The following PRKG1 variants were observed in gnomAD, a reference collection of about 807,000 sequenced individuals.
PRKG1 encodes the protein protein kinase cGMP-dependent 1, also known as cGMP-dependent protein kinase 1.
In PRKG1, 35 loss-of-function variants were observed where a neutral mutation model predicts 88.1. The observed-to-expected ratio is 0.40, with a 90% confidence interval of 0.30 to 0.53. The LOEUF is 0.53. PRKG1 is among the 20% of genes least tolerant of loss of function. The pLI is 0.59. For missense variants in PRKG1, 540 were observed against 839.8 expected (o/e 0.64, Z 4.41); for synonymous variants, 303 against 292.5 (o/e 1.04, Z -0.37).
chr10:51,784,908 A>G (rs970831146), intron 3 of PRKG1, among the ~76,000 whole-genome samples: 4 of 152,070 alleles, frequency 2.6e-5, no homozygotes, highest in African/African-American at 9.7e-5. Context: ...TATTAATGGA[A>G]AAAGGCTAAT....
At chr10:52,153,617 G>A (rs771195973) in intron 8 of PRKG1, among the ~76,000 whole-genome samples, 4 of 152,156 alleles carry the variant, frequency 2.6e-5, no homozygotes, top group African/African-American at 9.7e-5. Flanking sequence ...TTCTTTAGCT[G>A]TTTTATGTTT....
chr10:51,732,797 T>A (rs1399323503), intron 3 of PRKG1, among the ~76,000 whole-genome samples: 1 of 152,144 alleles, frequency 6.6e-6, no homozygotes, highest in Non-Finnish European at 1.5e-5. Flanking sequence ...CTCACCTTAA[T>A]AAAAATTATA....
At chr10:52,276,168 C>A (rs1031566216) in intron 12 of PRKG1, among the ~76,000 whole-genome samples, 17 of 152,074 alleles carry the variant, frequency 1.1e-4, no homozygotes, top group Admixed American at 1.1e-3. Context: ...GATTTGGATG[C>A]CCTTTATTTC....
At chr10:51,946,717 G>T (rs972200433) in intron 5 of PRKG1, among the ~76,000 whole-genome samples, 6 of 152,206 alleles carry the variant, frequency 3.9e-5, no homozygotes, top group African/African-American at 1.4e-4. Context: ...GAGTTTGCTA[G>T]AGGTCCACTC....
intron 3 of PRKG1, among the ~76,000 whole-genome samples, chr10:51,756,666 T>G (rs1226400280): frequency 6.6e-6 from 1 of 151,586 alleles, no homozygotes; most frequent in Middle Eastern, 3.2e-3. Flanking sequence ...TACAAAAACA[T>G]TAGCCAGGCA....
intron 3 of PRKG1, among the ~76,000 whole-genome samples, chr10:51,704,807 G>A (rs1000637806): frequency 2.6e-5 from 4 of 152,192 alleles, no homozygotes; most frequent in African/African-American, 9.7e-5. Context: ...TCAGATTCAT[G>A]AATGTGAACT....
intron 9 of PRKG1, among the ~76,000 whole-genome samples, chr10:52,241,858 A>G (rs1205399586): frequency 6.6e-6 from 1 of 152,218 alleles, no homozygotes; most frequent in Admixed American, 6.5e-5. Flanking sequence ...AAATGTTTCC[A>G]TCTTTCTTTG....
intron 1 of PRKG1, among the ~76,000 whole-genome samples, chr10:50,998,109 C>T (rs760248258): frequency 1.5e-4 from 23 of 152,228 alleles, no homozygotes; most frequent in South Asian, 4.1e-4. Context: ...GTGCTTAGCC[C>T]GGAAAAAGGT....
At chr10:51,403,203 G>A (rs1175738398) in intron 2 of PRKG1, among the ~76,000 whole-genome samples, 1 of 152,036 alleles carries the variant, frequency 6.6e-6, no homozygotes, top group African/African-American at 2.4e-5. Flanking sequence ...TGGATGTCAG[G>A]CCCAGCTTTG....
At chr10:51,690,291 G>A (rs993812598) in intron 3 of PRKG1, among the ~76,000 whole-genome samples, 1 of 152,028 alleles carries the variant, frequency 6.6e-6, no homozygotes, top group African/African-American at 2.4e-5. Context: ...TCCAACACCG[G>A]GGATTATATT....
At chr10:51,505,337 G>C (rs896004831) in intron 3 of PRKG1, among the ~76,000 whole-genome samples, 11 of 152,160 alleles carry the variant, frequency 7.2e-5, no homozygotes, top group Admixed American at 2.6e-4. Flanking sequence ...GATCATGGTG[G>C]ATAAGCTTTT....
chr10:51,144,012 G>A (rs1224873415), intron 1 of PRKG1, among the ~76,000 whole-genome samples: 4 of 151,782 alleles, frequency 2.6e-5, no homozygotes, highest in South Asian at 2.1e-4. Flanking sequence ...TGCTGCCTGC[G>A]ATTTTGAGGT....
At chr10:51,453,534 A>AT (rs1233611498) in intron 2 of PRKG1, among the ~76,000 whole-genome samples, 2 of 152,018 alleles carry the variant, frequency 1.3e-5, no homozygotes, top group South Asian at 2.1e-4. Context: ...CAGTTCAAAT[A>AT]TTTTTTTAAT....
rs188678861 is a variant in PRKG1, at chr10:51,155,526, C to A, written c.478+2196C>A. 5.3e-5 allele frequency among the ~76,000 whole-genome samples: 8 copies of A among 151,966 alleles called. No individual in the cohort carries two copies. In the East Asian group the frequency reaches 9.7e-4, roughly 18 times the overall value. ...GTTTATAGTAGAGTCAGGGTTTATA[C>A]CCAGGCTATTTGGATTCAGAGCTCA... On this transcript the variant is annotated intron_variant, in intron 2 of 17. Transcript: ENST00000373980.
intron 3 of PRKG1, among the ~76,000 whole-genome samples, chr10:51,537,522 G>A (rs1352899709): frequency 6.6e-6 from 1 of 151,966 alleles, no homozygotes; most frequent in Admixed American, 6.6e-5. Context: ...CACAAGATCA[G>A]GAGTTGGAGA....
intron 3 of PRKG1, among the ~76,000 whole-genome samples, chr10:51,798,270 G>A (rs898836713): frequency 6.6e-6 from 1 of 151,992 alleles, no homozygotes; most frequent in Non-Finnish European, 1.5e-5. Context: ...TACCAGCAAT[G>A]CACAAGGGTT....
chr10:52,239,263 T>C (rs1002283063), intron 9 of PRKG1, among the ~76,000 whole-genome samples: 1 of 143,458 alleles, frequency 7.0e-6, no homozygotes, highest in African/African-American at 2.6e-5. Context: ...ATGGCACATG[T>C]ATACATATGT....
At chr10:51,076,925 G>T (rs374364729) in intron 1 of PRKG1, among the ~76,000 whole-genome samples, 2 of 152,088 alleles carry the variant, frequency 1.3e-5, no homozygotes, top group East Asian at 1.9e-4. Flanking sequence ...TTAAGGTATT[G>T]CCATGATGCT....
chr10:52,139,665 C>T (rs1281983468), intron 8 of PRKG1, among the ~76,000 whole-genome samples: 2 of 152,070 alleles, frequency 1.3e-5, no homozygotes, highest in Admixed American at 1.3e-4. Flanking sequence ...TAACTCTTCT[C>T]AGGGAGGTGC....
Sources: gnomAD v4.1 joint callset for allele counts (sites outside exome capture counted in the v4.1 genomes callset) on GRCh38, gnomAD v4.1.1 for gene constraint, MANE v1.5 for transcripts, NCBI Gene and HGNC (gene_info 2026-07-23, HGNC 2026-07-21) for gene names.